The following BRCA2 variants were observed in gnomAD, a reference collection of about 807,000 sequenced individuals.
BRCA2 encodes the protein BRCA2 DNA repair associated.
A neutral mutation model predicts 276.7 loss-of-function variants in BRCA2; 203 were observed. The ratio of observed to expected loss-of-function variants is 0.73; its 90% CI spans 0.65 to 0.82. The LOEUF (loss-of-function observed/expected upper bound fraction) is 0.82. Ranked by LOEUF, BRCA2 falls within the 40% of genes least tolerant of loss-of-function variation. BRCA2 has a pLI of 0.00. For missense variants in BRCA2, 3,920 were observed against 3,915.0 expected, an observed-to-expected ratio of 1.00 and a Z score of -0.03; for synonymous variants, 1,289 against 1,338.4, an observed-to-expected ratio of 0.96 and a Z score of 0.81.
chr13:32,369,327 A>G (rs1039130457), intron 18 of BRCA2, among the ~76,000 whole-genome samples: 5 of 152,050 alleles, frequency 3.3e-5, no homozygotes, highest in Admixed American at 1.3e-4. Flanking sequence ...TGGTGTTTCA[A>G]CTACGTTTGT....
chr13:32,393,468 C>CT (rs200368742), intron 24 of BRCA2, among the ~76,000 whole-genome samples: 1,690 of 147,230 alleles, frequency 0.011, 36 homozygotes, highest in African/African-American at 0.039. Context: ...TATTGTTTAA[C>CT]TTTTTTTTTT....
In BRCA2 at chr13:32,338,715, C is replaced by G. The variant is rs2072502347; in HGVS notation, c.4360C>G (p.Pro1454Ala). ...AATTGTAAATTTCTTTGATCAGAAA[C>G]CAGAAGAATTGCATAACTTTTCCTT... ...NKIVNFFDQK[P>A]EELHNFSLNS... is the part of the protein sequence containing the mutation. The change falls in exon 11 of 27, where the codon CCA (proline) becomes GCA (alanine). Residue 1454 changes from proline (P) to alanine (A), a missense_variant. Around this residue, in one of 2 missense-constraint regions of BRCA2, gnomAD observed 3,263 missense variants for 3,156.9 expected, o/e 1.03. Transcript: ENST00000380152. 1.3e-6 allele frequency: 2 copies of G among 1,595,800 alleles called. No homozygotes were observed. Among genetic ancestry groups the G allele is most frequent in the Admixed American group, 1.7e-5 (1 of 58,342 alleles).
intron 13 of BRCA2, among the ~76,000 whole-genome samples, chr13:32,354,319 G>T (rs142475338): frequency 1.3e-5 from 2 of 152,322 alleles, no homozygotes; most frequent in East Asian, 1.9e-4. Flanking sequence ...AAGGTTGACT[G>T]TGGAGTGTAA....
intron 11 of BRCA2, among the ~76,000 whole-genome samples, chr13:32,343,490 T>G (rs1395383707): frequency 6.6e-6 from 1 of 152,216 alleles, no homozygotes; most frequent in African/African-American, 2.4e-5. Flanking sequence ...ACAGATTTAC[T>G]TAATCAAGTG....
rs2072336178 is a variant in BRCA2, at chr13:32,325,259, C to G, written c.425+75C>G. 7 of 1,154,462 alleles carry G rather than the reference C, an allele frequency of 6.1e-6. No individual in the cohort carries two copies. In the East Asian group the frequency reaches 1.8e-4, roughly 30 times the overall value. 71.5% of individuals were successfully genotyped at this position (1,154,462 alleles called of 1,614,324 possible). On this transcript the variant is annotated intron_variant, in intron 4 of 26. Coordinates refer to ENST00000380152, the MANE Select transcript of BRCA2 (RefSeq NM_000059.4). ...ATATATTTGTTCTATAAAGATGAAT[C>G]TGATTTTTATGCTAATATTTTGGCT... is the stretch of plus-strand genomic sequence containing the variant.
At chr13:32,372,480 T>G (rs2072841198) in intron 20 of BRCA2, among the ~76,000 whole-genome samples, 1 of 152,124 alleles carries the variant, frequency 6.6e-6, no homozygotes, top group Non-Finnish European at 1.5e-5. Context: ...ACCCTTTTCA[T>G]AAGGTGGCAG....
Position 32,333,359 on chromosome 13 carries a change from A to G in BRCA2, c.1881A>G (p.Ala627=). Residue 627 remains alanine, a synonymous_variant, in exon 10 of 27, where the codon GCA becomes GCG. Coordinates refer to ENST00000380152, the MANE Select transcript of BRCA2 (RefSeq NM_000059.4). The part of the protein sequence containing the change: ...SAQFEANAFE[A]PLTFANADSG... Reference sequence around the variant, plus strand: ...AGTTTGAAGCAAATGCTTTTGAAGCACCACTTACATTTGCAAATGCTGATT... The same window carrying G: ...AGTTTGAAGCAAATGCTTTTGAAGCGCCACTTACATTTGCAAATGCTGATT... 6.2e-7 allele frequency: 1 copy of G among 1,608,678 alleles called. No individual in the cohort carries two copies. The highest frequency in any genetic ancestry group is 8.5e-7 in the Non-Finnish European group (1 of 1,178,912).
intron 12 of BRCA2, among the ~76,000 whole-genome samples, chr13:32,346,283 A>G (rs2072610179): frequency 6.6e-6 from 1 of 151,880 alleles, no homozygotes; most frequent in African/African-American, 2.4e-5. Flanking sequence ...ACCATTTTGC[A>G]CCTTGTTTAT....
chr13:32,378,187 C>T (rs1473664059), intron 21 of BRCA2, among the ~76,000 whole-genome samples: 10 of 152,068 alleles, frequency 6.6e-5, no homozygotes, highest in Non-Finnish European at 1.2e-4. Context: ...ATTTTTTTGT[C>T]TGGACATAAG....
intron 13 of BRCA2, among the ~76,000 whole-genome samples, chr13:32,354,337 T>A (rs1765819953): frequency 6.6e-6 from 1 of 152,052 alleles, no homozygotes; most frequent in Non-Finnish European, 1.5e-5. Flanking sequence ...TAACAGTGAG[T>A]ATTAGCTTGA....
At chr13:32,382,153 C>T (rs1038660833) in intron 24 of BRCA2, among the ~76,000 whole-genome samples, 1 of 151,998 alleles carries the variant, frequency 6.6e-6, no homozygotes, top group African/African-American at 2.4e-5. Flanking sequence ...GGGGTTTCAC[C>T]GTGTTAGCCA....
At chr13:32,370,048 C>G (rs537912028) in intron 18 of BRCA2, among the ~76,000 whole-genome samples, 1 of 152,290 alleles carries the variant, frequency 6.6e-6, no homozygotes, top group Non-Finnish European at 1.5e-5. Context: ...ATTTCCTATT[C>G]TCTCTAGTTG....
chr13:32,381,522 A>G (rs948406568), intron 24 of BRCA2, among the ~76,000 whole-genome samples: 1 of 152,198 alleles, frequency 6.6e-6, no homozygotes, highest in African/African-American at 2.4e-5. Context: ...AAAGCTTTCC[A>G]GGCAATTACA....
At chr13:32,343,651 T>C (rs1238866591) in intron 11 of BRCA2, among the ~76,000 whole-genome samples, 3 of 152,180 alleles carry the variant, frequency 2.0e-5, no homozygotes, top group Non-Finnish European at 4.4e-5. Flanking sequence ...AATGGCTTTA[T>C]TTATAGCAAC....
intron 9 of BRCA2, among the ~76,000 whole-genome samples, chr13:32,331,867 G>A (rs571944672): frequency 3.9e-5 from 6 of 152,232 alleles, no homozygotes; most frequent in South Asian, 2.1e-4. Context: ...TATCATGTAC[G>A]TATGTATATG....
At chr13:32,356,317 G>GC in intron 14 of BRCA2, 111 bp from the exon 15 acceptor site, 1 of 1,072,822 alleles carries the variant, frequency 9.3e-7, no homozygotes, top group Non-Finnish European at 1.4e-6. Context: ...TGATCTGCCC[G>GC]CCTCAGCCTC....
intron 16 of BRCA2, among the ~76,000 whole-genome samples, chr13:32,362,051 G>A (rs997546481): frequency 2.0e-5 from 3 of 152,034 alleles, no homozygotes; most frequent in Admixed American, 1.3e-4. Flanking sequence ...TTGAGATAGG[G>A]TCTCACTCTT....
At chr13:32,316,118 C>T (rs1312120127) in intron 1 of BRCA2, among the ~76,000 whole-genome samples, 1 of 151,430 alleles carries the variant, frequency 6.6e-6, no homozygotes, top group East Asian at 1.9e-4. Context: ...GCGTTGGTCT[C>T]TAACTGGAGC....
chr13:32,379,248 A>G (rs2072895185), intron 21 of BRCA2, 69 bp from the exon 22 acceptor site: 1 of 1,488,902 alleles, frequency 6.7e-7, no homozygotes, highest in Non-Finnish European at 9.3e-7. Context: ...GTTTAAAGCC[A>G]TCTAGTTACA....
Sources: gnomAD v4.1 joint callset for allele counts (sites outside exome capture counted in the v4.1 genomes callset) on GRCh38, gnomAD v4.1.1 for gene constraint, gnomAD v4.1.1 regional missense constraint, MANE v1.5 for transcripts, NCBI Gene and HGNC (gene_info 2026-07-23, HGNC 2026-07-21) for gene names.